SMARCAL1: variants seen among roughly 807,000 people sequenced by gnomAD.
SMARCAL1 encodes the protein ATP-driven annealing helicase.
SMARCAL1 carries 58 observed loss-of-function variants against 94.5 expected under a neutral mutation model. That is an observed-to-expected ratio of 0.61 (90% CI 0.50 to 0.76). The LOEUF (loss-of-function observed/expected upper bound fraction) is 0.76. SMARCAL1 is among the 30% of genes least tolerant of loss of function. SMARCAL1 has a pLI of 0.00. For synonymous variants in SMARCAL1, 422 were observed against 455.1 expected (o/e 0.93, Z 0.93); for missense variants, 1,051 against 1,177.9 (o/e 0.89, Z 1.58).
intron 14 of SMARCAL1, among the ~76,000 whole-genome samples, chr2:216,473,565 G>A (rs1350685711): frequency 6.6e-6 from 1 of 151,716 alleles, no homozygotes; most frequent in Non-Finnish European, 1.5e-5. Context: ...ATGACAAAGG[G>A]CCATTAAAAA....
chr2:216,465,985 A>C (rs1694822213), intron 13 of SMARCAL1, among the ~76,000 whole-genome samples: 1 of 152,060 alleles, frequency 6.6e-6, no homozygotes, highest in Admixed American at 6.6e-5. Context: ...TGCCCTTTTC[A>C]TTTATGACCC....
In SMARCAL1 at chr2:216,412,513, G is replaced by C. The variant is rs1032522488; in HGVS notation, c.-231G>C. On this transcript the variant is annotated 5_prime_UTR_variant, in exon 1 of 18. Transcript: ENST00000357276. ...CTTCAGGCCTGGCCGCTACAATAAG[G>C]CTGGCGAACTCGCAGCGCTTGAATA... 1 of 152,260 alleles carries C rather than the reference G, an allele frequency of 6.6e-6. No individual in the cohort carries two copies. Among genetic ancestry groups the C allele is most frequent in the Non-Finnish European group, 1.5e-5 (1 of 68,080 alleles). The allele number at this position is 152,260 out of a possible 1,614,324, so 9.4% of individuals were successfully genotyped here.
rs188798316 is a variant in SMARCAL1, at chr2:216,458,227, G to A, written c.2071-6370G>A. ...AACCAAAAAAAATCCAGGACCAGAC[G>A]GATTCACAGCCTAATTCTACCAGAG... On this transcript the variant is annotated intron_variant, in intron 12 of 17. Coordinates refer to ENST00000357276, the MANE Select transcript of SMARCAL1 (RefSeq NM_014140.4). Among the ~76,000 whole-genome samples the A allele has an allele frequency of 2.7e-4, 41 of 152,188 alleles. No homozygotes were observed. The East Asian group carries it at 6.2e-3, about 23-fold the overall frequency.
chr2:216,430,371 T>A (rs758753646), intron 7 of SMARCAL1, among the ~76,000 whole-genome samples: 1 of 152,222 alleles, frequency 6.6e-6, no homozygotes, highest in Non-Finnish European at 1.5e-5. Flanking sequence ...AATATCAGCA[T>A]CTTCTAATAT....
At chr2:216,465,082 G>A (rs1277363629) in intron 13 of SMARCAL1, among the ~76,000 whole-genome samples, 1 of 152,198 alleles carries the variant, frequency 6.6e-6, no homozygotes, top group Non-Finnish European at 1.5e-5. Flanking sequence ...GAGGACGGTC[G>A]AGGCTGCAGT....
At chr2:216,424,186 C>A (rs1174649718) in intron 6 of SMARCAL1, among the ~76,000 whole-genome samples, 1 of 152,168 alleles carries the variant, frequency 6.6e-6, no homozygotes, top group South Asian at 2.1e-4. Flanking sequence ...TTTTAACAAG[C>A]ACTTTACAGA....
At chr2:216,448,702 C>T (rs1292571466) in intron 11 of SMARCAL1, among the ~76,000 whole-genome samples, 3 of 152,028 alleles carry the variant, frequency 2.0e-5, no homozygotes, top group Admixed American at 1.3e-4. Flanking sequence ...TGCAGCGGTA[C>T]ACACATGTAG....
At chr2:216,453,266 A>T (rs75449194) in intron 12 of SMARCAL1, among the ~76,000 whole-genome samples, 1,848 of 152,346 alleles carry the variant, frequency 0.012, 39 homozygotes, top group African/African-American at 0.042. Context: ...TTAAACGTTT[A>T]TCCCTGAAAG....
At chr2:216,461,055 G>GGTGGGTGT (rs371396873) in intron 12 of SMARCAL1, among the ~76,000 whole-genome samples, 1 of 146,246 alleles carries the variant, frequency 6.8e-6, no homozygotes, top group African/African-American at 2.5e-5. Context: ...ACTAGAAAGA[G>GGTGGGTGT]GTGTGTGTGT....
chr2:216,428,872 C>A, intron 7 of SMARCAL1, 90 bp downstream of exon 7: 1 of 1,197,574 alleles, frequency 8.4e-7, no homozygotes, highest in Non-Finnish European at 1.2e-6. Flanking sequence ...GTTTTATGAA[C>A]TTTTATTTAC....
rs1202044098 is a variant in SMARCAL1, at chr2:216,415,189, C to A, written c.485C>A (p.Pro162Gln). 3.1e-6 allele frequency: 5 copies of A among 1,613,806 alleles called. No homozygotes were observed. Among genetic ancestry groups the A allele is most frequent in the Non-Finnish European group, 4.2e-6 (5 of 1,179,850 alleles). The stretch of plus-strand genomic sequence containing the variant: ...ATCAGGTTCACACCCTTTGCTAACC[C>A]AACTCATAAGCCTCTGGCCAAACCA... ...PEIRFTPFANPTHKPLAKPKS... is the reference protein window; with the variant it reads ...PEIRFTPFANQTHKPLAKPKS... Residue 162 changes from proline to glutamine, a missense_variant, in exon 3 of 18, where the codon CCA becomes CAA. Transcript: ENST00000357276.
intron 14 of SMARCAL1, among the ~76,000 whole-genome samples, chr2:216,470,371 T>A (rs1334873073): frequency 6.6e-6 from 1 of 152,042 alleles, no homozygotes. Context: ...GCCAGGTTAG[T>A]CTCAAACTCT....
At chr2:216,425,120 C>G (rs1450818421) in intron 6 of SMARCAL1, among the ~76,000 whole-genome samples, 1 of 152,214 alleles carries the variant, frequency 6.6e-6, no homozygotes, top group Non-Finnish European at 1.5e-5. Context: ...GCCCACTCGA[C>G]CTGGCAGGCT....
intron 10 of SMARCAL1, among the ~76,000 whole-genome samples, chr2:216,444,633 G>A (rs1032993428): frequency 2.0e-5 from 3 of 152,094 alleles, no homozygotes; most frequent in African/African-American, 7.2e-5. Context: ...GATTCCCTGC[G>A]TCAGCCTCCT....
chr2:216,441,055 A>G (rs1166942882), intron 10 of SMARCAL1, among the ~76,000 whole-genome samples: 2 of 152,262 alleles, frequency 1.3e-5, no homozygotes, highest in East Asian at 1.9e-4. Flanking sequence ...GAAAAGCCAT[A>G]TAAGGACCTA....
rs563227436 is a variant in SMARCAL1 at position 216,448,011 on chromosome 2, GTC to G, written c.1851+855_1851+856del. Among the ~76,000 whole-genome samples, 78 of 152,286 alleles carry G rather than the reference GTC, an allele frequency of 5.1e-4. 2 individuals carry two copies. In the East Asian group the frequency reaches 9.3e-3, roughly 18 times the overall value. ...GCAAGTACATGATATAAATAAGAGT[GTC>G]TGCCTTATTTTTTAAATTTTTAAAA... On this transcript the variant is annotated intron_variant, in intron 11 of 17. Coordinates refer to ENST00000357276, the MANE Select transcript of SMARCAL1 (RefSeq NM_014140.4).
chr2:216,416,944 A>G (rs183013718), intron 4 of SMARCAL1, among the ~76,000 whole-genome samples: 2 of 152,342 alleles, frequency 1.3e-5, no homozygotes, highest in East Asian at 3.9e-4. Flanking sequence ...GTCATACACT[A>G]AAGTTTTTGT....
intron 12 of SMARCAL1, among the ~76,000 whole-genome samples, chr2:216,464,124 T>C (rs1195344343): frequency 6.6e-6 from 1 of 152,220 alleles, no homozygotes; most frequent in Non-Finnish European, 1.5e-5. Flanking sequence ...CAGTAAATCT[T>C]GGACAGAGGT....
intron 9 of SMARCAL1, among the ~76,000 whole-genome samples, chr2:216,436,633 G>T (rs192234709): frequency 1.3e-5 from 2 of 152,234 alleles, no homozygotes; most frequent in Non-Finnish European, 2.9e-5. Flanking sequence ...ACAAATTCAA[G>T]TGTGGCTTTG....
Sources: gnomAD v4.1 joint callset for allele counts (sites outside exome capture counted in the v4.1 genomes callset) on GRCh38, gnomAD v4.1.1 for gene constraint, MANE v1.5 for transcripts, NCBI Gene and HGNC (gene_info 2026-07-23, HGNC 2026-07-21) for gene names.